The following COL4A4 variants were observed in gnomAD, a reference collection of about 807,000 sequenced individuals.
COL4A4 encodes collagen type IV alpha 4 chain, also known as collagen alpha-4(IV) chain.
A neutral mutation model predicts 192.9 loss-of-function variants in COL4A4; 105 were observed. That is an observed-to-expected ratio of 0.54 (90% CI 0.46 to 0.64). COL4A4 has a LOEUF of 0.64. Ranked by LOEUF, COL4A4 falls within the 30% of genes least tolerant of loss-of-function variation. The pLI is 0.00. For missense variants in COL4A4, 1,967 were observed against 2,169.3 expected, an observed-to-expected ratio of 0.91 and a Z score of 1.85; for synonymous variants, 762 against 769.9, an observed-to-expected ratio of 0.99 and a Z score of 0.17.
intron 4 of COL4A4, among the ~76,000 whole-genome samples, chr2:227,131,192 G>C (rs1285663368): frequency 7.1e-6 from 1 of 140,530 alleles, no homozygotes; most frequent in Non-Finnish European, 1.5e-5. Context: ...GTCTCACTCT[G>C]TCGCCCAGGC....
intron 12 of COL4A4, among the ~76,000 whole-genome samples, chr2:227,105,927 T>C (rs1357673834): frequency 6.6e-6 from 1 of 152,064 alleles, no homozygotes; most frequent in Non-Finnish European, 1.5e-5. Context: ...ATTGAATAGA[T>C]AATATACATA....
At chr2:227,140,875 T>A (rs919968185) in intron 3 of COL4A4, among the ~76,000 whole-genome samples, 31 of 139,840 alleles carry the variant, frequency 2.2e-4, no homozygotes, top group Non-Finnish European at 4.0e-4. Context: ...CTTTAGAGCA[T>A]CACACACACA....
the COL4A4 span, among the ~76,000 whole-genome samples, chr2:226,989,512 G>A: frequency 6.6e-6 from 1 of 152,178 alleles, no homozygotes; most frequent in Non-Finnish European, 1.5e-5. Flanking sequence ...AATGAATCAA[G>A]TTATACACTT....
intron 21 of COL4A4, among the ~76,000 whole-genome samples, chr2:227,089,169 G>T (rs2059764416): frequency 1.5e-5 from 2 of 131,104 alleles, no homozygotes; most frequent in African/African-American, 5.3e-5. Flanking sequence ...CCATCCTTTG[G>T]TTCCTCCTGA....
chr2:227,062,473 G>GTTTT, intron 26 of COL4A4, 57 bp downstream of exon 26: 1 of 951,640 alleles, frequency 1.1e-6, no homozygotes, highest in Non-Finnish European at 1.7e-6. Context: ...TGTCTGGCTG[G>GTTTT]TTTTTTTTTT....
At chr2:226,986,512 C>T in the COL4A4 span, among the ~76,000 whole-genome samples, 1 of 151,760 alleles carries the variant, frequency 6.6e-6, no homozygotes, top group African/African-American at 2.4e-5. Flanking sequence ...CATCAAAAAG[C>T]AGGTAAAGGA....
At chr2:227,098,847 T>A (rs762979796) in intron 18 of COL4A4, 49 bp from the exon 19 acceptor site, 4 of 1,438,214 alleles carry the variant, frequency 2.8e-6, no homozygotes, top group Non-Finnish European at 2.9e-6. Flanking sequence ...ATGTGCATTT[T>A]AAAATTAAGA....
At chr2:227,101,683 G>A in intron 16 of COL4A4, 126 bp from the exon 17 acceptor site, 2 of 1,098,790 alleles carry the variant, frequency 1.8e-6, no homozygotes, top group South Asian at 1.4e-5. Context: ...CTGTTCATCA[G>A]TTGCATCAGA....
chr2:227,153,447 C>T (rs1306571827), intron 1 of COL4A4, among the ~76,000 whole-genome samples: 1 of 152,200 alleles, frequency 6.6e-6, no homozygotes, highest in East Asian at 1.9e-4. Flanking sequence ...CCACCTTCAG[C>T]TCAGCTATGT....
At chr2:227,136,974 C>T (rs1195966372) in intron 4 of COL4A4, among the ~76,000 whole-genome samples, 1 of 152,088 alleles carries the variant, frequency 6.6e-6, no homozygotes, top group African/African-American at 2.4e-5. Flanking sequence ...TCCCAAACCA[C>T]CTTCTGTTAC....
rs751169399 is a variant in COL4A4, at chr2:227,032,177, C to T, written c.3677G>A (p.Arg1226His). The change falls in exon 39 of 48, where the codon CGT (arginine) becomes CAT (histidine). Residue 1226 changes from arginine (R) to histidine (H), a missense_variant. Physicochemically the swap from Arg to His is conservative, Grantham distance 29. Coordinates refer to ENST00000396625, the MANE Select transcript of COL4A4 (RefSeq NM_000092.5). Reference protein sequence around the residue: ...GSPGISPPGPRGKKGPPGPPG... With the variant: ...GSPGISPPGPHGKKGPPGPPG... ...GGGTCCTGGGGGACCTTTCTTTCCA[C>T]GAGGACCTGGAGGAGAGATTCCTGG... 2.1e-5 allele frequency: 34 copies of T among 1,614,058 alleles called. No homozygotes were observed. Among genetic ancestry groups the T allele is most frequent in the South Asian group, 4.4e-5 (4 of 91,090 alleles).
At chr2:227,108,286 G>C (rs1175004274) in intron 12 of COL4A4, among the ~76,000 whole-genome samples, 1 of 152,158 alleles carries the variant, frequency 6.6e-6, no homozygotes, top group Non-Finnish European at 1.5e-5. Context: ...ACAAATCCGT[G>C]ATTTGACAAA....
chr2:227,053,201 T>G (rs1974512436), intron 31 of COL4A4, among the ~76,000 whole-genome samples: 1 of 146,888 alleles, frequency 6.8e-6, no homozygotes. Context: ...ACATCACTTA[T>G]CTAAGCTAGC....
chr2:226,998,900 G>A (rs1960218084), downstream of COL4A4: 1 of 152,202 alleles, frequency 6.6e-6, no homozygotes, highest in Non-Finnish European at 1.5e-5. Flanking sequence ...CAGGCTGTGA[G>A]TGTTCCTGAT....
rs765400897 is a variant in COL4A4 at position 227,080,407 on chromosome 2, A to G, written c.1803+36T>C. ...AGTTGTTTGTATGACCATATAAGAA[A>G]GTGAAATTCTATAGCAAGAGAAGAA... On this transcript the variant is annotated intron_variant, in intron 24 of 47. Transcript: ENST00000396625. 3 of 1,553,178 alleles carry G rather than the reference A, an allele frequency of 1.9e-6. No individual in the cohort carries two copies. In the East Asian group the frequency reaches 6.7e-5, roughly 35 times the overall value.
intron 44 of COL4A4, among the ~76,000 whole-genome samples, chr2:227,014,031 C>T (rs1176551801): frequency 2.0e-5 from 3 of 152,196 alleles, no homozygotes; most frequent in African/African-American, 2.4e-5. Context: ...TAGCAAGAAT[C>T]GAAGATTTCC....
chr2:226,986,194 A>C, the COL4A4 span, among the ~76,000 whole-genome samples: 374 of 152,382 alleles, frequency 2.5e-3, no homozygotes, highest in African/African-American at 8.8e-3. Context: ...GGGTCAAGAA[A>C]GGACTCAGAA....
intron 40 of COL4A4, among the ~76,000 whole-genome samples, chr2:227,031,029 G>A (rs1968233422): frequency 7.0e-6 from 1 of 142,522 alleles, no homozygotes; most frequent in African/African-American, 2.6e-5. Flanking sequence ...GTGGATAGAT[G>A]GTTGGATGGA....
At chr2:227,093,548 C>A (rs2060046936) in intron 20 of COL4A4, among the ~76,000 whole-genome samples, 1 of 152,096 alleles carries the variant, frequency 6.6e-6, no homozygotes, top group Admixed American at 6.5e-5. Context: ...CCGTGGCACC[C>A]ACCCAGAAGT....
Sources: allele counts gnomAD v4.1 joint callset (sites outside exome capture counted in the v4.1 genomes callset), GRCh38; gene constraint gnomAD v4.1.1; transcripts MANE v1.5; gene names NCBI Gene and HGNC (gene_info 2026-07-23, HGNC 2026-07-21).